Variants in URB1 observed in about 807,000 individuals in gnomAD.
The protein encoded by URB1 is URB1 ribosome biogenesis factor.
URB1 carries 197 observed loss-of-function variants against 242.3 expected under a neutral mutation model. The observed-to-expected ratio is 0.81, with a 90% CI of 0.72 to 0.91. URB1 has a LOEUF of 0.91. URB1 is among the 40% of genes least tolerant of loss of function. The pLI is 0.00. For synonymous variants in URB1, 1,153 were observed against 1,201.8 expected (o/e 0.96, Z 0.84); for missense variants, 2,721 against 2,860.5 (o/e 0.95, Z 1.11).
chr21:32,336,998 C>G lies in URB1; in HGVS notation c.4685+96G>C, dbSNP rs1601130060. ...CCTGCCTCACTCTTTCCCTGAGAAC[C>G]AAAATGGAATGAGAGAAAATCTCGA... On this transcript the variant is annotated intron_variant, in intron 28 of 38. Transcript: ENST00000382751. 7.0e-6 allele frequency: 9 copies of G among 1,285,336 alleles called. No individual in the cohort carries two copies. In the East Asian group the frequency reaches 2.3e-4, roughly 33 times the overall value. The allele number at this position is 1,285,336 out of a possible 1,614,324, so 79.6% of individuals were successfully genotyped here. A position where few individuals can be genotyped will look rare whatever the true frequency, so the allele number is the denominator to read the frequency against.
Position 32,314,894 on chromosome 21 carries a change from G to A in URB1, c.*24C>T. The A allele has an allele frequency of 6.5e-7, 1 of 1,544,052 alleles. No homozygotes were observed. Among genetic ancestry groups the A allele is most frequent in the Non-Finnish European group, 8.8e-7 (1 of 1,142,736 alleles). On this transcript the variant is annotated 3_prime_UTR_variant, in exon 39 of 39. Coordinates refer to ENST00000382751, the MANE Select transcript of URB1 (RefSeq NM_014825.3). ...TGTGCTCGAGGCTCTGGTCATCAGG[G>A]TGCAAGGTGCTGGCCGGCAGGAGTC...
rs1471371308 is a variant in URB1, at chr21:32,312,973, C to G, written c.*1945G>C. ...ACTAAGTGACTGGAAAATACACGAA[C>G]AAGGTCAGGGCAGTGGATTTAAAAG... On this transcript the variant is annotated 3_prime_UTR_variant, in exon 39 of 39. Coordinates refer to ENST00000382751, the MANE Select transcript of URB1 (RefSeq NM_014825.3). 1 of 152,190 alleles carries G rather than the reference C, an allele frequency of 6.6e-6. No individual in the cohort carries two copies. The highest frequency in any genetic ancestry group is 2.4e-5 in the African/African-American group (1 of 41,424). 9.4% of individuals were successfully genotyped at this position (152,190 alleles called of 1,614,324 possible). A position where few individuals can be genotyped will look rare whatever the true frequency, so the allele number is the denominator to read the frequency against.
rs2033174295 is a variant in URB1, at chr21:32,352,885, A to C, written c.2438T>G (p.Leu813Arg). The C allele has an allele frequency of 1.3e-6, 2 of 1,550,072 alleles. No individual in the cohort carries two copies. Among genetic ancestry groups the C allele is most frequent in the African/African-American group, 2.7e-5 (2 of 73,016 alleles). ...GAGGAGGTCAGTCAGCACTGCCGTC[A>C]GATATGTCACAACGTTTTCCGCTGC... ...NEAAENVVTY[L>R]TAVLTDLLHT... The change falls in exon 19 of 39, where the codon CTG becomes CGG. Residue 813 changes from leucine to arginine, a missense_variant. Physicochemically the swap from Leu to Arg is moderately radical, Grantham distance 102. Coordinates refer to ENST00000382751, the MANE Select transcript of URB1 (RefSeq NM_014825.3).
intron 5 of URB1, 56 bp downstream of exon 5, chr21:32,378,389 G>T: frequency 6.9e-7 from 1 of 1,458,858 alleles, no homozygotes; most frequent in African/African-American, 1.4e-5. Context: ...GAAACGGTTT[G>T]CAGTAGGTTT....
rs2033292988 is a variant in URB1, at chr21:32,361,933, C to T, written c.1598G>A (p.Arg533Lys). 1 of 1,551,440 alleles carries T rather than the reference C, an allele frequency of 6.4e-7. No homozygotes were observed. ...GCAGGCAGCCGGGGGCCCATCGCTC[C>T]TTTTCTGCCCTTTCTTGTCATCCTG... ...TKQDDKKGQKRSDGPPAACDA... is the reference protein window; with the variant it reads ...TKQDDKKGQKKSDGPPAACDA... Residue 533 changes from arginine (R) to lysine (K), a missense_variant, in exon 12 of 39, where the codon AGG becomes AAG. Arg to Lys is a conservative substitution (Grantham distance 26, BLOSUM62 2). Coordinates refer to ENST00000382751, the MANE Select transcript of URB1 (RefSeq NM_014825.3).
At chr21:32,337,548 G>A in intron 26 of URB1, 34 bp from the exon 27 acceptor site, 3 of 1,528,682 alleles carry the variant, frequency 2.0e-6, no homozygotes, top group Non-Finnish European at 2.7e-6. Context: ...ACATGGCATG[G>A]TGGGGCAGAC....
intron 10 of URB1, among the ~76,000 whole-genome samples, chr21:32,366,186 C>A (rs2123604318): frequency 6.6e-6 from 1 of 152,320 alleles, no homozygotes; most frequent in South Asian, 2.1e-4. Context: ...CATCTTAACA[C>A]CATTCATCTA....
At chr21:32,318,067 G>T in intron 36 of URB1, 150 bp from the exon 37 acceptor site, 1 of 1,102,228 alleles carries the variant, frequency 9.1e-7, no homozygotes. Context: ...ATCTAGCATG[G>T]GCCCCCAGGA....
intron 32 of URB1, 21 bp from the exon 33 acceptor site, chr21:32,322,605 T>C (rs2032781125): frequency 6.5e-7 from 1 of 1,540,322 alleles, no homozygotes; most frequent in African/African-American, 1.4e-5. Flanking sequence ...AGGCAGTCAG[T>C]CAGTCATGGC....
At chr21:32,365,810 A>G (rs758838902) in intron 10 of URB1, among the ~76,000 whole-genome samples, 1 of 152,206 alleles carries the variant, frequency 6.6e-6, no homozygotes, top group Non-Finnish European at 1.5e-5. Context: ...CACAGGGCCA[A>G]CTGAGGCCTG....
chr21:32,314,539 T>A lies in URB1; in HGVS notation c.*379A>T, dbSNP rs770345031. On this transcript the variant is annotated 3_prime_UTR_variant, in exon 39 of 39. Transcript: ENST00000382751. ...TTTCATAAAAAAAATCTGATACCTTTTGACATTTCAGCTTTAACACAGATG... is the reference window on the plus strand; with the variant it reads ...TTTCATAAAAAAAATCTGATACCTTATGACATTTCAGCTTTAACACAGATG... 2 of 1,610,592 alleles carry A rather than the reference T, an allele frequency of 1.2e-6. No individual in the cohort carries two copies. Among genetic ancestry groups the A allele is most frequent in the Non-Finnish European group, 1.7e-6 (2 of 1,176,834 alleles).
At chr21:32,366,885 A>G (rs2033353184) in intron 9 of URB1, 130 bp from the exon 10 acceptor site, 1 of 983,688 alleles carries the variant, frequency 1.0e-6, no homozygotes, top group Admixed American at 2.8e-5. Context: ...GACTCCCCAC[A>G]AGGCAGAGTG....
chr21:32,341,642 T>C (rs953413784), intron 24 of URB1, 118 bp from the exon 25 acceptor site: 49 of 856,814 alleles, frequency 5.7e-5, no homozygotes, highest in Admixed American at 3.6e-4. Flanking sequence ...CTACCTCCTC[T>C]GTAAAACCCA....
At position 32,352,732 on chromosome 21, in the gene URB1, G is replaced by A. The variant is rs967422514; in HGVS notation, c.2591C>T (p.Pro864Leu). The change falls in exon 19 of 39, where the codon CCG (proline) becomes CTG (leucine). Residue 864 changes from proline to leucine, a missense_variant. Transcript: ENST00000382751. ...CACCCAGGCCTCTCGGGCTTGCTCC[G>A]GGATCCAGAGGCTGTAGTATCTGTT... ...RFNRYYSLWIPEQAREAWLLQ... is the reference protein window; with the variant it reads ...RFNRYYSLWILEQAREAWLLQ... 84 of 1,551,340 alleles carry A rather than the reference G, an allele frequency of 5.4e-5. No individual in the cohort carries two copies. The highest frequency in any genetic ancestry group is 6.8e-5 in the Non-Finnish European group (78 of 1,146,952).
chr21:32,324,105 T>G (rs896790119), intron 32 of URB1, among the ~76,000 whole-genome samples: 6 of 152,254 alleles, frequency 3.9e-5, no homozygotes, highest in African/African-American at 7.2e-5. Flanking sequence ...TTTCAGCCCC[T>G]GGGTTCCAAT....
At chr21:32,374,831 A>C (rs905075581) in intron 6 of URB1, among the ~76,000 whole-genome samples, 2 of 152,192 alleles carry the variant, frequency 1.3e-5, no homozygotes, top group Admixed American at 6.5e-5. Flanking sequence ...AATTGCCCCC[A>C]TTTGAGAATC....
Sources: allele counts gnomAD v4.1 joint callset (sites outside exome capture counted in the v4.1 genomes callset), GRCh38; gene constraint gnomAD v4.1.1; transcripts MANE v1.5; gene names NCBI Gene and HGNC (gene_info 2026-07-23, HGNC 2026-07-21).